The following NUCKS1 variants were observed in gnomAD, a reference collection of about 807,000 sequenced individuals.
The protein encoded by NUCKS1 is nuclear ubiquitous casein and cyclin-dependent kinase substrate 1.
NUCKS1 carries 2 observed loss-of-function variants against 33.0 expected under a neutral mutation model. That is an observed-to-expected ratio of 0.06 (90% CI 0.02 to 0.19). The LOEUF is 0.19. NUCKS1 is among the 10% of genes least tolerant of loss of function. NUCKS1 has a pLI of 1.00. For missense variants in NUCKS1, 201 were observed against 293.6 expected (o/e 0.68, Z 2.31); for synonymous variants, 106 against 102.8 (o/e 1.03, Z -0.19).
intron 1 of NUCKS1, among the ~76,000 whole-genome samples, chr1:205,739,997 G>GTGT (rs1654125877): frequency 1.2e-5 from 1 of 81,764 alleles, no homozygotes; most frequent in Non-Finnish European, 2.2e-5. Context: ...TTTACTTTAG[G>GTGT]TTTTTTTTTT....
intron 1 of NUCKS1, among the ~76,000 whole-genome samples, chr1:205,741,736 G>A (rs961339559): frequency 6.6e-6 from 1 of 152,192 alleles, no homozygotes; most frequent in Non-Finnish European, 1.5e-5. Flanking sequence ...GCACAGAACT[G>A]TGTTAAAGGG....
At chr1:205,723,444 C>T (rs557025556) in intron 4 of NUCKS1, among the ~76,000 whole-genome samples, 44 of 152,274 alleles carry the variant, frequency 2.9e-4, no homozygotes, top group African/African-American at 9.6e-4. Context: ...AAAAAACTTT[C>T]TCTATGGCTA....
At position 205,750,048 on chromosome 1, in the gene NUCKS1, A is replaced by T; in HGVS notation, c.-75T>A. On this transcript the variant is annotated 5_prime_UTR_variant, in exon 1 of 7. Coordinates refer to ENST00000367142, the MANE Select transcript of NUCKS1 (RefSeq NM_022731.5). Reference sequence around the variant, plus strand: ...CCCCACCCCGCGCGCTCGGCGCCCCACCCCCCCCGAACTTCAGCCGATGGG... The same window carrying T: ...CCCCACCCCGCGCGCTCGGCGCCCCTCCCCCCCCGAACTTCAGCCGATGGG... 3 of 876,622 alleles carry T rather than the reference A, an allele frequency of 3.4e-6. No individual in the cohort carries two copies. The highest frequency in any genetic ancestry group is 3.8e-5 in the South Asian group (2 of 52,218). The allele number at this position is 876,622 out of a possible 1,614,324, so 54.3% of individuals were successfully genotyped here. A position where few individuals can be genotyped will look rare whatever the true frequency, so the allele number is the denominator to read the frequency against.
In NUCKS1 at chr1:205,750,036, GCT is replaced by G; in HGVS notation, c.-65_-64del. 8.1e-7 allele frequency: 1 copy of G among 1,233,606 alleles called. No individual in the cohort carries two copies. The highest frequency in any genetic ancestry group is 1.0e-6 in the Non-Finnish European group (1 of 970,586). 76.4% of individuals were successfully genotyped at this position (1,233,606 alleles called of 1,614,324 possible). On this transcript the variant is annotated 5_prime_UTR_variant, in exon 1 of 7. Coordinates refer to ENST00000367142, the MANE Select transcript of NUCKS1 (RefSeq NM_022731.5). ...GACCAGGACCCCCCCCACCCCGCGC[GCT>G]CGGCGCCCCACCCCCCCCGAACTTC...
rs770112948 is a variant in NUCKS1 at position 205,720,615 on chromosome 1, G to T, written c.268C>A (p.Arg90Ser). The T allele has an allele frequency of 6.2e-7, 1 of 1,613,780 alleles. No individual in the cohort carries two copies. The highest frequency in any genetic ancestry group is 8.5e-7 in the Non-Finnish European group (1 of 1,179,940). ...TTAGATGCCGCCTGCCGTTGTTGGC[G>T]CACATTTTTATGATCTTCTTTTTCA... ...EDEKEDHKNVRQQRQAASKAA... is the reference protein window; with the variant it reads ...EDEKEDHKNVSQQRQAASKAA... Residue 90 changes from arginine to serine, a missense_variant, in exon 5 of 7, where the codon CGC (arginine) becomes AGC (serine). Arg to Ser is a moderately radical substitution (Grantham distance 110). Transcript: ENST00000367142.
chr1:205,729,034 T>C (rs1202406260), intron 2 of NUCKS1, among the ~76,000 whole-genome samples: 1 of 152,024 alleles, frequency 6.6e-6, no homozygotes, highest in African/African-American at 2.4e-5. Flanking sequence ...AGTGGCGCCA[T>C]CTCGGCTCAC....
In NUCKS1 at chr1:205,713,285, C is replaced by T. The variant is rs1297666354; in HGVS notation, c.*4995G>A. 1 of 151,956 alleles carries T rather than the reference C, an allele frequency of 6.6e-6. No individual in the cohort carries two copies. Among genetic ancestry groups the T allele is most frequent in the Non-Finnish European group, 1.5e-5 (1 of 67,994 alleles). The allele number at this position is 151,956 out of a possible 1,614,324, so 9.4% of individuals were successfully genotyped here. A position where few individuals can be genotyped will look rare whatever the true frequency, so the allele number is the denominator to read the frequency against. ...AAAGATACAGAAAAAGAATAACTTG[C>T]TTCATATGTCCCAAAAAGAGAAAAA... On this transcript the variant is annotated 3_prime_UTR_variant, in exon 7 of 7. Coordinates refer to ENST00000367142, the MANE Select transcript of NUCKS1 (RefSeq NM_022731.5).
chr1:205,715,398 T>C lies in NUCKS1; in HGVS notation c.*2882A>G, dbSNP rs1281311404. On this transcript the variant is annotated 3_prime_UTR_variant, in exon 7 of 7. Coordinates refer to ENST00000367142, the MANE Select transcript of NUCKS1 (RefSeq NM_022731.5). Reference sequence around the variant, plus strand: ...CATTAATTTTCCCTTATGGAATCAATATGGAGTGGAAATATGAAATGAGGA... The same window carrying C: ...CATTAATTTTCCCTTATGGAATCAACATGGAGTGGAAATATGAAATGAGGA... 6.6e-6 allele frequency: 1 copy of C among 152,202 alleles called. No individual in the cohort carries two copies. The highest frequency in any genetic ancestry group is 2.4e-5 in the African/African-American group (1 of 41,448). The allele number at this position is 152,202 out of a possible 1,614,324, so 9.4% of individuals were successfully genotyped here.
chr1:205,736,969 G>A (rs774374495), intron 1 of NUCKS1, among the ~76,000 whole-genome samples: 1 of 152,010 alleles, frequency 6.6e-6, no homozygotes, highest in African/African-American at 2.4e-5. Context: ...CCTCTTCAGA[G>A]CATTCCTTAA....
At chr1:205,729,792 C>G (rs972814589) in intron 1 of NUCKS1, among the ~76,000 whole-genome samples, 171 bp from the exon 2 acceptor site, 1 of 152,124 alleles carries the variant, frequency 6.6e-6, no homozygotes, top group Non-Finnish European at 1.5e-5. Context: ...GAGGCCAAGG[C>G]TGGTGGATCA....
rs1390600742 is a variant in NUCKS1, at chr1:205,750,132, G to A, written c.-159C>T. ...TCAAACTCCGCTGCTCTTTGGTTCA[G>A]GGCTCCTGGAACAGACGAGCCCCCC... On this transcript the variant is annotated 5_prime_UTR_variant, in exon 1 of 7. Transcript: ENST00000367142. The A allele has an allele frequency of 1.3e-6, 1 of 762,290 alleles. No homozygotes were observed. The highest frequency in any genetic ancestry group is 2.9e-5 in the East Asian group (1 of 34,412). The allele number at this position is 762,290 out of a possible 1,614,324, so 47.2% of individuals were successfully genotyped here.
At position 205,722,917 on chromosome 1, in the gene NUCKS1, T is replaced by C. The variant is rs530657350; in HGVS notation, c.229+1009A>G. ...AGAGACAAACAGAATAAAGCTGACATGGCCGACCCAAAACTAAACCCACTT... is the reference window on the plus strand; with the variant it reads ...AGAGACAAACAGAATAAAGCTGACACGGCCGACCCAAAACTAAACCCACTT... On this transcript the variant is annotated intron_variant, in intron 4 of 6. Coordinates refer to ENST00000367142, the MANE Select transcript of NUCKS1 (RefSeq NM_022731.5). Among the ~76,000 whole-genome samples the C allele has an allele frequency of 2.6e-5, 4 of 152,374 alleles. No homozygotes were observed. The East Asian group carries it at 7.7e-4, about 29-fold the overall frequency.
intron 4 of NUCKS1, 26 bp from the exon 5 acceptor site, chr1:205,720,679 T>G (rs823094): frequency 0.38 from 600,125 of 1,576,890 alleles, 123,033 homozygotes; most frequent in Non-Finnish European, 0.42. Flanking sequence ...TACCATGATA[T>G]AATGATTAAA....
At chr1:205,720,410 C>G in intron 5 of NUCKS1, 91 bp downstream of exon 5, 2 of 1,339,202 alleles carry the variant, frequency 1.5e-6, no homozygotes, top group Non-Finnish European at 2.1e-6. Flanking sequence ...CTGGTTGTAA[C>G]ATTTAGCATC....
chr1:205,725,557 T>C (rs1025377011), intron 3 of NUCKS1, among the ~76,000 whole-genome samples: 27 of 152,214 alleles, frequency 1.8e-4, no homozygotes, highest in African/African-American at 5.5e-4. Flanking sequence ...TCTAACACAA[T>C]GATGAATTAT....
intron 1 of NUCKS1, among the ~76,000 whole-genome samples, chr1:205,749,372 C>A (rs1345397650): frequency 6.6e-6 from 1 of 152,250 alleles, no homozygotes; most frequent in African/African-American, 2.4e-5. Flanking sequence ...TCGGCCCGAT[C>A]CGGGAGGCGG....
rs1571563925 is a variant in NUCKS1 at position 205,713,431 on chromosome 1, C to G, written c.*4849G>C. Reference sequence around the variant, plus strand: ...CAGAGCTCAGGAGCAGACACGCAGTCCTGGAAACCCTTCAATAAAAGCAAA... The same window carrying G: ...CAGAGCTCAGGAGCAGACACGCAGTGCTGGAAACCCTTCAATAAAAGCAAA... On this transcript the variant is annotated 3_prime_UTR_variant, in exon 7 of 7. Coordinates refer to ENST00000367142, the MANE Select transcript of NUCKS1 (RefSeq NM_022731.5). The G allele has an allele frequency of 6.6e-6, 1 of 151,996 alleles. No individual in the cohort carries two copies. Among genetic ancestry groups the G allele is most frequent in the East Asian group, 1.9e-4 (1 of 5,182 alleles). The allele number at this position is 151,996 out of a possible 1,614,324, so 9.4% of individuals were successfully genotyped here.
intron 1 of NUCKS1, among the ~76,000 whole-genome samples, chr1:205,745,550 A>T (rs2102450158): frequency 6.6e-6 from 1 of 152,364 alleles, no homozygotes; most frequent in East Asian, 1.9e-4. Context: ...ACGCTAAGTT[A>T]AACATTTTGG....
chr1:205,727,862 C>A, intron 2 of NUCKS1, 57 bp from the exon 3 acceptor site: 1 of 1,094,176 alleles, frequency 9.1e-7, no homozygotes, highest in South Asian at 1.3e-5. Context: ...AAAATCACCA[C>A]TATATTTACT....
Sources: gnomAD v4.1 joint callset for allele counts (sites outside exome capture counted in the v4.1 genomes callset) on GRCh38, gnomAD v4.1.1 for gene constraint, MANE v1.5 for transcripts, NCBI Gene and HGNC (gene_info 2026-07-23, HGNC 2026-07-21) for gene names.